Variants in UGGT2 observed in about 807,000 individuals in gnomAD.
UGGT2 encodes UDP-glucose glycoprotein glucosyltransferase 2, also known as UDP-glucose:glycoprotein glucosyltransferase 2.
A neutral mutation model predicts 192.1 loss-of-function variants in UGGT2; 180 were observed. The ratio of observed to expected loss-of-function variants is 0.94; its 90% CI spans 0.83 to 1.06. The LOEUF is 1.06. Ranked by LOEUF, UGGT2 falls within the 50% of genes least tolerant of loss-of-function variation. The pLI is 0.00. For missense variants in UGGT2, 1,849 were observed against 1,795.7 expected (o/e 1.03, Z -0.54); for synonymous variants, 580 against 591.0 (o/e 0.98, Z 0.27).
chr13:95,816,437 T>G (rs899112222), intron 38 of UGGT2, among the ~76,000 whole-genome samples: 1 of 152,006 alleles, frequency 6.6e-6, no homozygotes, highest in Non-Finnish European at 1.5e-5. Context: ...AGAAGAGAAA[T>G]GAAAACATAT....
At chr13:96,011,173 G>C (rs1451133045) in intron 5 of UGGT2, among the ~76,000 whole-genome samples, 1 of 152,074 alleles carries the variant, frequency 6.6e-6, no homozygotes, top group Non-Finnish European at 1.5e-5. Context: ...GAATGACCTT[G>C]AGATTGGTGA....
chr13:96,003,306 C>T (rs1336788352), intron 5 of UGGT2, among the ~76,000 whole-genome samples: 1 of 152,110 alleles, frequency 6.6e-6, no homozygotes, highest in Admixed American at 6.5e-5. Flanking sequence ...ATATATAAAA[C>T]AAAATTAAGA....
chr13:96,007,316 CAT>C (rs1377929343), intron 5 of UGGT2, among the ~76,000 whole-genome samples: 1 of 152,058 alleles, frequency 6.6e-6, no homozygotes, highest in East Asian at 1.9e-4. Flanking sequence ...TAATTAAGGC[CAT>C]ATATGACAGA....
At chr13:95,846,033 C>G (rs1386027242) in intron 36 of UGGT2, among the ~76,000 whole-genome samples, 1 of 152,142 alleles carries the variant, frequency 6.6e-6, no homozygotes, top group East Asian at 1.9e-4. Flanking sequence ...GGCGGCCAGG[C>G]AGAGGCTGCA....
chr13:95,925,286 A>G (rs1315266702), intron 20 of UGGT2, among the ~76,000 whole-genome samples: 1 of 152,204 alleles, frequency 6.6e-6, no homozygotes, highest in Non-Finnish European at 1.5e-5. Context: ...TTTTTCTTAA[A>G]TAATCAGGGA....
intron 36 of UGGT2, 110 bp from the exon 37 acceptor site, chr13:95,837,312 G>T (rs1887401578): frequency 2.7e-6 from 2 of 737,424 alleles, no homozygotes; most frequent in South Asian, 3.2e-5. Context: ...TAAAACATAT[G>T]CAAATCTGAG....
At chr13:95,818,702 G>T (rs780726744) in intron 38 of UGGT2, among the ~76,000 whole-genome samples, 5 of 152,128 alleles carry the variant, frequency 3.3e-5, no homozygotes, top group African/African-American at 9.7e-5. Context: ...GATTACTGGG[G>T]AGGCAGAGAG....
chr13:95,983,932 T>A, intron 9 of UGGT2, 68 bp from the exon 10 acceptor site: 2 of 1,008,762 alleles, frequency 2.0e-6, no homozygotes, highest in Non-Finnish European at 2.8e-6. Flanking sequence ...TATAACCCAA[T>A]GTAATCTAAT....
At chr13:95,893,859 C>T (rs1375113453) in intron 24 of UGGT2, among the ~76,000 whole-genome samples, 2 of 152,158 alleles carry the variant, frequency 1.3e-5, no homozygotes, top group African/African-American at 4.8e-5. Context: ...CCTTTTATTT[C>T]CATCCTACCA....
chr13:95,862,043 TA>T (rs1890218551), intron 31 of UGGT2, among the ~76,000 whole-genome samples: 1 of 152,176 alleles, frequency 6.6e-6, no homozygotes, highest in African/African-American at 2.4e-5. Context: ...TGGAAGCTTT[TA>T]GTAAGACACT....
intron 10 of UGGT2, among the ~76,000 whole-genome samples, chr13:95,975,841 A>C (rs2050920494): frequency 1.3e-5 from 2 of 152,152 alleles, no homozygotes; most frequent in Non-Finnish European, 2.9e-5. Flanking sequence ...TCACGGGTAC[A>C]TAATAGTTGT....
At chr13:95,926,805 ATAGT>A (rs2049028648) in intron 19 of UGGT2, among the ~76,000 whole-genome samples, 3 of 152,068 alleles carry the variant, frequency 2.0e-5, no homozygotes, top group Admixed American at 2.0e-4. Context: ...AAAGGTGAAA[ATAGT>A]TTGTTTAAAA....
chr13:95,894,547 C>A lies in UGGT2; in HGVS notation c.2855+15G>T. On this transcript the variant is annotated intron_variant, in intron 24 of 38. Coordinates refer to ENST00000376747, the MANE Select transcript of UGGT2 (RefSeq NM_020121.4). Reference sequence around the variant, plus strand: ...TTAACAGAAAAATCACAAACAAATACGAATACATTCTTACCTGTGATTCTC... The same window carrying A: ...TTAACAGAAAAATCACAAACAAATAAGAATACATTCTTACCTGTGATTCTC... The A allele has an allele frequency of 6.3e-7, 1 of 1,593,632 alleles. No individual in the cohort carries two copies. The highest frequency in any genetic ancestry group is 8.6e-7 in the Non-Finnish European group (1 of 1,167,366).
At chr13:95,891,869 CACTT>C (rs1490985048) in intron 24 of UGGT2, among the ~76,000 whole-genome samples, 1 of 152,084 alleles carries the variant, frequency 6.6e-6, no homozygotes, top group Non-Finnish European at 1.5e-5. Flanking sequence ...CTAATATAAA[CACTT>C]ACTTCAAATA....
At chr13:95,918,663 A>G (rs1224590317) in intron 20 of UGGT2, among the ~76,000 whole-genome samples, 1 of 152,138 alleles carries the variant, frequency 6.6e-6, no homozygotes, top group Non-Finnish European at 1.5e-5. Flanking sequence ...GAAGAATCCA[A>G]TAAACACAAT....
At chr13:96,050,200 G>A (rs1045355830) in intron 1 of UGGT2, among the ~76,000 whole-genome samples, 12 of 152,116 alleles carry the variant, frequency 7.9e-5, no homozygotes, top group African/African-American at 2.9e-4. Flanking sequence ...TCTGATCTTT[G>A]ACAAATCTGA....
chr13:95,807,839 G>A (rs1257684013), intron 38 of UGGT2, among the ~76,000 whole-genome samples: 1 of 150,510 alleles, frequency 6.6e-6, no homozygotes, highest in Admixed American at 6.7e-5. Flanking sequence ...GGAATGTATT[G>A]CTTGGGGCTT....
chr13:95,944,448 T>TA (rs2049797341), intron 15 of UGGT2, among the ~76,000 whole-genome samples: 1 of 152,060 alleles, frequency 6.6e-6, no homozygotes, highest in African/African-American at 2.4e-5. Flanking sequence ...GACTCTTTGA[T>TA]AAACAGAATA....
chr13:95,972,792 C>T, intron 10 of UGGT2, 121 bp from the exon 11 acceptor site: 2 of 677,140 alleles, frequency 3.0e-6, no homozygotes, highest in Admixed American at 2.9e-5. Context: ...GCAGGCCATA[C>T]AGTCTCTGTT....
Sources: gnomAD v4.1 joint callset for allele counts (sites outside exome capture counted in the v4.1 genomes callset) on GRCh38, gnomAD v4.1.1 for gene constraint, MANE v1.5 for transcripts, NCBI Gene and HGNC (gene_info 2026-07-23, HGNC 2026-07-21) for gene names.